LIMA1: variants seen among roughly 807,000 people sequenced by gnomAD.
LIMA1 encodes the protein LIM domain and actin-binding protein 1.
LIMA1 carries 52 observed loss-of-function variants against 62.6 expected under a neutral mutation model. That is an observed-to-expected ratio of 0.83 (90% CI 0.67 to 1.05). The LOEUF is 1.05. Ranked by LOEUF, LIMA1 falls within the 50% of genes least tolerant of loss-of-function variation. The pLI is 0.00. For missense variants in LIMA1, 780 were observed against 902.2 expected, an observed-to-expected ratio of 0.86 and a Z score of 1.74; for synonymous variants, 302 against 317.8, an observed-to-expected ratio of 0.95 and a Z score of 0.53.
At position 50,270,604 on chromosome 12, in the gene LIMA1, C is replaced by CAA. The variant is rs150300834; in HGVS notation, c.-24+12814_-24+12815dup. On this transcript the variant is annotated intron_variant, in intron 1 of 10. Transcript: ENST00000341247. ...TGGGCAACAGAGTGAGACCTTATCT[C>CAA]AAAAAAAAAAAAAAAAAAAAAAAAA... Among the ~76,000 whole-genome samples, 363 of 71,404 alleles carry CAA rather than the reference C, an allele frequency of 5.1e-3. 5 individuals are homozygous for CAA. Among genetic ancestry groups the CAA allele is most frequent in the Middle Eastern group, 0.016 (2 of 124 alleles). The allele number at this position is 71,404 out of a possible 152,430, so 46.8% of individuals were successfully genotyped here.
At chr12:50,193,507 G>GTATATATACACATATATGATA (rs1253335896) in intron 8 of LIMA1, among the ~76,000 whole-genome samples, 2 of 119,376 alleles carry the variant, frequency 1.7e-5, no homozygotes, top group African/African-American at 6.4e-5. Flanking sequence ...TCATATATGT[G>GTATATATACACATATATGATA]TATATATGAT....
At chr12:50,190,675 C>T (rs1035484976) in intron 9 of LIMA1, among the ~76,000 whole-genome samples, 13 of 140,288 alleles carry the variant, frequency 9.3e-5, no homozygotes, top group Admixed American at 2.9e-4. Flanking sequence ...CCACCACACC[C>T]GGCCTCATTT....
chr12:50,190,012 T>C (rs1940718269), intron 9 of LIMA1: 2 of 2,794 alleles, frequency 7.2e-4, no homozygotes, highest in African/African-American at 5.2e-4. Context: ...GCCTGGCCAA[T>C]TTTTTTTTTT....
intron 1 of LIMA1, among the ~76,000 whole-genome samples, chr12:50,250,693 A>G (rs1487963530): frequency 2.0e-5 from 3 of 152,072 alleles, no homozygotes; most frequent in Non-Finnish European, 4.4e-5. Flanking sequence ...GGAAAATAAT[A>G]CTAGTTTTGT....
intron 1 of LIMA1, chr12:50,249,798 T>A (rs906150912): frequency 2.6e-5 from 4 of 151,856 alleles, no homozygotes; most frequent in African/African-American, 9.7e-5. Context: ...TAAAAAAAAA[T>A]AATAATAAAG....
chr12:50,232,025 C>T (rs977012732), intron 2 of LIMA1, among the ~76,000 whole-genome samples: 3 of 150,904 alleles, frequency 2.0e-5, no homozygotes, highest in Non-Finnish European at 4.4e-5. Flanking sequence ...GCCTCGGCCT[C>T]CCAAAGTGAG....
intron 1 of LIMA1, among the ~76,000 whole-genome samples, chr12:50,260,360 G>A (rs1942050700): frequency 6.6e-6 from 1 of 152,068 alleles, no homozygotes; most frequent in Admixed American, 6.5e-5. Flanking sequence ...TGTTGGCCAG[G>A]CTGGTCTCGA....
chr12:50,208,387 GAAGC>G, intron 4 of LIMA1, among the ~76,000 whole-genome samples: 1 of 152,228 alleles, frequency 6.6e-6, no homozygotes, highest in Non-Finnish European at 1.5e-5. Context: ...TCAGGAGGCT[GAAGC>G]AGGAGAATCG....
intron 9 of LIMA1, chr12:50,189,616 T>C (rs151150266): frequency 6.6e-6 from 1 of 152,336 alleles, no homozygotes; most frequent in East Asian, 1.9e-4. Context: ...AAACCTAAAA[T>C]AAGTTTTGCA....
At position 50,177,964 on chromosome 12, in the gene LIMA1, T is replaced by C. The variant is rs755934079; in HGVS notation, c.1380A>G (p.Pro460=). ...GNYDEGFGHR[P]HKDLWASKNE... ...TTTTGCTTGCCCATAGATCCTTGTG[T>C]GGTCTGTGCCCAAAGCCTTCATCAT... The change falls in exon 11 of 11, where the codon CCA becomes CCG. Residue 460 remains proline (P), a synonymous_variant. Transcript: ENST00000341247. The C allele has an allele frequency of 6.2e-6, 10 of 1,613,524 alleles. No homozygotes were observed. Among genetic ancestry groups the C allele is most frequent in the Non-Finnish European group, 8.5e-6 (10 of 1,179,820 alleles).
chr12:50,220,325 G>T (rs1941419236), intron 4 of LIMA1, among the ~76,000 whole-genome samples: 1 of 152,136 alleles, frequency 6.6e-6, no homozygotes, highest in South Asian at 2.1e-4. Context: ...CTCCCAAAAT[G>T]CTGGGATTAC....
At chr12:50,185,655 G>A (rs1592495813) in intron 9 of LIMA1, 1 of 361,068 alleles carries the variant, frequency 2.8e-6, no homozygotes, top group South Asian at 2.1e-5. Flanking sequence ...CCCAGCTCAG[G>A]AGAGCGAGCT....
At position 50,178,966 on chromosome 12, in the gene LIMA1, A is replaced by ATTTTTTT. The variant is rs1555203081; in HGVS notation, c.1275-904_1275-898dup. 3.4e-4 allele frequency among the ~76,000 whole-genome samples: 44 copies of ATTTTTTT among 128,952 alleles called. 1 individual carries two copies. The highest frequency in any genetic ancestry group is 1.9e-3 in the East Asian group (9 of 4,766). 84.6% of individuals were successfully genotyped at this position (128,952 alleles called of 152,430 possible). Reference sequence around the variant, plus strand: ...TATATAAATACATATATATATATATATTTTTTTTTTCTTTTTCTTTTCTTT... The same window carrying ATTTTTTT: ...TATATAAATACATATATATATATATATTTTTTTTTTTTTTTTTCTTTTTCTTTTCTTT... On this transcript the variant is annotated intron_variant, in intron 10 of 10. Transcript: ENST00000341247.
intron 4 of LIMA1, 41 bp from the exon 5 acceptor site, chr12:50,206,109 G>A: frequency 1.3e-6 from 2 of 1,538,036 alleles, no homozygotes; most frequent in Non-Finnish European, 1.8e-6. Context: ...CAGAAACAAT[G>A]GGAAATCTTG....
chr12:50,242,800 GCTGGGCCTGGGATCTGGGACTGGGAT>G (rs946585595), intron 2 of LIMA1, among the ~76,000 whole-genome samples: 4 of 152,182 alleles, frequency 2.6e-5, no homozygotes, highest in African/African-American at 4.8e-5. Context: ...AATCTAAAGA[GCTGGGCCTGGGATCTGGGACTGGGAT>G]CTGGGCCTGG....
At position 50,180,278 on chromosome 12, in the gene LIMA1, C is replaced by T. The variant is rs141476569; in HGVS notation, c.1274+1626G>A. The stretch of plus-strand genomic sequence containing the variant: ...TCATCCCACTGCACTCCAGCCTGGG[C>T]GACAGAGCAAGACTCCATCTCCGGA... On this transcript the variant is annotated intron_variant, in intron 10 of 10. Coordinates refer to ENST00000341247, the MANE Select transcript of LIMA1 (RefSeq NM_016357.5). Among the ~76,000 whole-genome samples, 1,050 of 147,862 alleles carry T rather than the reference C, an allele frequency of 7.1e-3. 6 individuals carry two copies. The highest frequency in any genetic ancestry group is 0.025 in the African/African-American group (978 of 39,902).
chr12:50,240,958 A>G (rs948538538), intron 2 of LIMA1, among the ~76,000 whole-genome samples: 1 of 152,184 alleles, frequency 6.6e-6, no homozygotes, highest in Non-Finnish European at 1.5e-5. Flanking sequence ...CAGAGAAGCC[A>G]AGAGAAGCAA....
In LIMA1 at chr12:50,181,912, G is replaced by A. The variant is rs757488158; in HGVS notation, c.1266C>T (p.Asn422=). The change falls in exon 10 of 11, where the codon AAC becomes AAT. Residue 422 remains asparagine, a synonymous_variant. Transcript: ENST00000341247. ...ISCFRCSYCN[N]KLSLGTYASL... is the part of the protein sequence containing the mutation. ...GTTTTGGGCTGACTTACCTGAGTTT[G>A]TTGTTGCAATAGGAGCAACGGAAGC... The A allele has an allele frequency of 6.2e-7, 1 of 1,614,096 alleles. No homozygotes were observed. Among genetic ancestry groups the A allele is most frequent in the Non-Finnish European group, 8.5e-7 (1 of 1,180,022 alleles).
chr12:50,280,226 C>T (rs1942324293), intron 1 of LIMA1, among the ~76,000 whole-genome samples: 1 of 144,064 alleles, frequency 6.9e-6, no homozygotes, highest in Non-Finnish European at 1.5e-5. Context: ...GCGATCTCCG[C>T]TCACTGCAAG....
Sources: gnomAD v4.1 joint callset for allele counts (sites outside exome capture counted in the v4.1 genomes callset) on GRCh38, gnomAD v4.1.1 for gene constraint, MANE v1.5 for transcripts, NCBI Gene and HGNC (gene_info 2026-07-23, HGNC 2026-07-21) for gene names.